Variants in URB1 observed in about 807,000 individuals in gnomAD.
URB1 encodes URB1 ribosome biogenesis factor.
URB1 carries 197 observed loss-of-function variants against 242.3 expected under a neutral mutation model. The observed-to-expected ratio is 0.81, with a 90% CI of 0.72 to 0.91. URB1 has a LOEUF of 0.91. Ranked by LOEUF, URB1 falls within the 40% of genes least tolerant of loss-of-function variation. The pLI is 0.00. For missense variants in URB1, 2,721 were observed against 2,860.5 expected, an observed-to-expected ratio of 0.95 and a Z score of 1.11; for synonymous variants, 1,153 against 1,201.8, an observed-to-expected ratio of 0.96 and a Z score of 0.84.
rs1352764126 is a variant in URB1, at chr21:32,366,674, T to C, written c.1279A>G (p.Met427Val). 6.4e-7 allele frequency: 1 copy of C among 1,551,506 alleles called. No individual in the cohort carries two copies. Among genetic ancestry groups the C allele is most frequent in the East Asian group, 2.4e-5 (1 of 40,918 alleles). Residue 427 changes from methionine (M) to valine (V), a missense_variant, in exon 10 of 39, where the codon ATG (methionine) becomes GTG (valine). By Grantham distance (21) the Met-to-Val change is conservative. Coordinates refer to ENST00000382751, the MANE Select transcript of URB1 (RefSeq NM_014825.3). Reference protein sequence around the residue: ...IPLPRLLAMVMVTTVPLVCNK... With the variant: ...IPLPRLLAMVVVTTVPLVCNK... ...CACACCAGGGGCACGGTGGTCACCA[T>C]CACCATTGCCAGGAGCCGAGGCAAG...
intron 1 of URB1, 31 bp from the exon 2 acceptor site, chr21:32,385,715 A>G (rs1366423650): frequency 1.3e-6 from 2 of 1,549,330 alleles, no homozygotes; most frequent in Non-Finnish European, 1.7e-6. Flanking sequence ...AAACATTAAC[A>G]AGGTCAGTCT....
intron 11 of URB1, 58 bp from the exon 12 acceptor site, chr21:32,362,079 G>A: frequency 2.0e-6 from 3 of 1,535,774 alleles, no homozygotes; most frequent in East Asian, 4.9e-5. Flanking sequence ...GGAGACAAAT[G>A]AACTGAACAC....
Position 32,361,956 on chromosome 21 carries a change from C to G in URB1, c.1575G>C (p.Gln525His). The change falls in exon 12 of 39, where the codon CAG becomes CAC. Residue 525 changes from glutamine to histidine, a missense_variant. Coordinates refer to ENST00000382751, the MANE Select transcript of URB1 (RefSeq NM_014825.3). ...WQSLKKQETK[Q>H]DDKKGQKRSD... ...TCCTTTTCTGCCCTTTCTTGTCATC[C>G]TGTTTGGTCTCTTGCTTTTTAAGTG... 6.4e-7 allele frequency: 1 copy of G among 1,551,578 alleles called. No homozygotes were observed. The highest frequency in any genetic ancestry group is 8.7e-7 in the Non-Finnish European group (1 of 1,146,894).
chr21:32,318,450 T>C (rs1305314610), intron 36 of URB1, among the ~76,000 whole-genome samples: 1 of 152,244 alleles, frequency 6.6e-6, no homozygotes, highest in African/African-American at 2.4e-5. Context: ...CAACTGGTTC[T>C]TAGACACCAG....
Position 32,347,615 on chromosome 21 carries a change from C to A in URB1, c.3209G>T (p.Gly1070Val). ...APILQNIGQLGLLARYSEAIT... is the reference protein window; with the variant it reads ...APILQNIGQLVLLARYSEAIT... ...GGCCTCTGAGTACCTGGCCAGAAGG[C>A]CCAGCTGCCCAATGTTCTGGAGGAT... Residue 1070 changes from glycine to valine, a missense_variant, in exon 22 of 39, where the codon GGC (glycine) becomes GTC (valine). Physicochemically the swap from Gly to Val is moderately radical, Grantham distance 109. Transcript: ENST00000382751. The A allele has an allele frequency of 6.4e-7, 1 of 1,551,694 alleles. No homozygotes were observed. Among genetic ancestry groups the A allele is most frequent in the Non-Finnish European group, 8.7e-7 (1 of 1,146,988 alleles).
rs530282967 is a variant in URB1, at chr21:32,314,332, G to A, written c.*586C>T. On this transcript the variant is annotated 3_prime_UTR_variant, in exon 39 of 39. Transcript: ENST00000382751. ...CCCGAGTAGCTGGAATTACAGGTGTGCGCTACCATGCCTGGCTAATTTTTG... is the reference window on the plus strand; with the variant it reads ...CCCGAGTAGCTGGAATTACAGGTGTACGCTACCATGCCTGGCTAATTTTTG... 2.9e-4 allele frequency: 131 copies of A among 455,540 alleles called. No homozygotes were observed. Among genetic ancestry groups the A allele is most frequent in the South Asian group, 2.5e-3 (123 of 49,678 alleles). The allele number at this position is 455,540 out of a possible 1,614,324, so 28.2% of individuals were successfully genotyped here. A position where few individuals can be genotyped will look rare whatever the true frequency, so the allele number is the denominator to read the frequency against.
intron 35 of URB1, among the ~76,000 whole-genome samples, chr21:32,320,259 G>A (rs142715434): frequency 5.9e-5 from 9 of 152,346 alleles, no homozygotes; most frequent in East Asian, 1.9e-4. Flanking sequence ...ACAGGCTGGC[G>A]GAGACTCTGC....
At chr21:32,359,047 A>G (rs2033256087) in intron 14 of URB1, among the ~76,000 whole-genome samples, 1 of 152,234 alleles carries the variant, frequency 6.6e-6, no homozygotes, top group African/African-American at 2.4e-5. Context: ...GGAGAGACAC[A>G]TAGTCCCAGA....
At position 32,368,442 on chromosome 21, in the gene URB1, C is replaced by T. The variant is rs751128556; in HGVS notation, c.1158G>A (p.Ala386=). The T allele has an allele frequency of 1.7e-5, 27 of 1,549,880 alleles. No homozygotes were observed. The highest frequency in any genetic ancestry group is 2.4e-5 in the South Asian group (2 of 83,562). The stretch of plus-strand genomic sequence containing the variant: ...TGATATTATTTAACCAAGTAGACTT[C>T]GCTCGTGGGATAAAGGAAAACGTTA... ...KEVTFSFIPR[A]KSTWLNNIKL... is the part of the protein sequence containing the mutation. The change falls in exon 9 of 39, where the codon GCG becomes GCA. Residue 386 remains alanine, a synonymous_variant. Transcript: ENST00000382751.
In URB1 at chr21:32,345,361, T is replaced by G; in HGVS notation, c.4070+13A>C. On this transcript the variant is annotated intron_variant, in intron 23 of 38. Transcript: ENST00000382751. ...AGAGTGGAACATCCTGCAACCAACC[T>G]GAGCCTTCATACCTCTTGTGACTGC... 4 of 1,548,770 alleles carry G rather than the reference T, an allele frequency of 2.6e-6. No individual in the cohort carries two copies. The highest frequency in any genetic ancestry group is 1.2e-5 in the South Asian group (1 of 83,818).
chr21:32,383,016 G>C (rs1051482342), intron 4 of URB1, among the ~76,000 whole-genome samples: 3 of 152,224 alleles, frequency 2.0e-5, no homozygotes, highest in Non-Finnish European at 4.4e-5. Flanking sequence ...CACTGGCTTA[G>C]AGCTTCAAGG....
At chr21:32,339,043 G>A in intron 25 of URB1, 143 bp from the exon 26 acceptor site, 2 of 902,496 alleles carry the variant, frequency 2.2e-6, no homozygotes, top group Non-Finnish European at 1.6e-6. Context: ...TGCCCAGGCT[G>A]GAGTACAGTG....
intron 23 of URB1, among the ~76,000 whole-genome samples, chr21:32,345,109 G>T (rs1186798037): frequency 1.3e-5 from 2 of 152,064 alleles, no homozygotes; most frequent in Non-Finnish European, 2.9e-5. Flanking sequence ...GACAATAAAA[G>T]ATGTCAGACA....
At chr21:32,354,736 C>A (rs2033199051) in intron 17 of URB1, 123 bp downstream of exon 17, 8 of 1,288,726 alleles carry the variant, frequency 6.2e-6, no homozygotes, top group Non-Finnish European at 7.2e-6. Flanking sequence ...CTGGTCTTTG[C>A]TGCAAAGGGA....
chr21:32,333,751 C>T (rs904426296), intron 29 of URB1, among the ~76,000 whole-genome samples: 1 of 152,180 alleles, frequency 6.6e-6, no homozygotes, highest in African/African-American at 2.4e-5. Context: ...AATTTTGGAA[C>T]ATTTCAGATT....
chr21:32,378,646 G>GC (rs1262968797), intron 4 of URB1, 105 bp from the exon 5 acceptor site: 2 of 880,102 alleles, frequency 2.3e-6, no homozygotes, highest in East Asian at 5.3e-5. Context: ...AACATCACCA[G>GC]CCCCCCAGCC....
chr21:32,346,167 A>T (rs2033084062), intron 22 of URB1, among the ~76,000 whole-genome samples: 1 of 152,082 alleles, frequency 6.6e-6, no homozygotes, highest in Non-Finnish European at 1.5e-5. Context: ...TGGCCGTGTG[A>T]TCTCTGCAGA....
chr21:32,372,392 A>G, intron 8 of URB1, 115 bp downstream of exon 8: 1 of 1,344,476 alleles, frequency 7.4e-7, no homozygotes, highest in Non-Finnish European at 9.8e-7. Context: ...GAAACGAGTT[A>G]GATAATGTCC....
chr21:32,351,568 G>A (rs2033158986), intron 19 of URB1, among the ~76,000 whole-genome samples: 1 of 152,190 alleles, frequency 6.6e-6, no homozygotes, highest in Non-Finnish European at 1.5e-5. Context: ...CAGGCCTGCA[G>A]CAGCATGTGT....
Sources: gnomAD v4.1 joint callset for allele counts (sites outside exome capture counted in the v4.1 genomes callset) on GRCh38, gnomAD v4.1.1 for gene constraint, MANE v1.5 for transcripts, NCBI Gene and HGNC (gene_info 2026-07-23, HGNC 2026-07-21) for gene names.